Variants in KALRN observed in about 807,000 individuals in gnomAD.
The protein encoded by KALRN is kalirin.
A neutral mutation model predicts 353.7 loss-of-function variants in KALRN; 70 were observed. The observed-to-expected ratio is 0.20, with a 90% CI of 0.16 to 0.24. The LOEUF is 0.24. Among genes scored for constraint, KALRN ranks in the 10% least tolerant of loss-of-function variants. The pLI, the probability that KALRN is intolerant of heterozygous loss-of-function variation, is 1.00. For synonymous variants in KALRN, 1,391 were observed against 1,434.8 expected (o/e 0.97, Z 0.69); for missense variants, 2,791 against 3,756.7 (o/e 0.74, Z 6.72).
intron 13 of KALRN, among the ~76,000 whole-genome samples, chr3:124,399,413 C>T (rs2090581390): frequency 6.6e-6 from 1 of 152,216 alleles, no homozygotes; most frequent in Non-Finnish European, 1.5e-5. Flanking sequence ...GCTGGGATTA[C>T]AGGCATGAGC....
At chr3:124,471,662 G>A (rs900445896) in intron 25 of KALRN, among the ~76,000 whole-genome samples, 19 of 151,990 alleles carry the variant, frequency 1.3e-4, no homozygotes, top group African/African-American at 4.1e-4. Context: ...CAGACCTGGG[G>A]GTAGGCAGAT....
chr3:124,401,359 A>ACC, intron 13 of KALRN, among the ~76,000 whole-genome samples: 1 of 151,884 alleles, frequency 6.6e-6, no homozygotes, highest in Admixed American at 6.6e-5. Context: ...ATAAACAAAA[A>ACC]CCGAGTGTGG....
At chr3:124,391,268 G>A (rs1186245631) in intron 11 of KALRN, among the ~76,000 whole-genome samples, 1 of 151,958 alleles carries the variant, frequency 6.6e-6, no homozygotes, top group Middle Eastern at 3.2e-3. Context: ...CTGGGGAGGG[G>A]GTGGGTTGGT....
intron 1 of KALRN, among the ~76,000 whole-genome samples, chr3:124,167,771 C>T (rs1172567621): frequency 6.6e-6 from 1 of 152,184 alleles, no homozygotes; most frequent in Non-Finnish European, 1.5e-5. Flanking sequence ...TCACATGTAG[C>T]TGTTAACATT....
intron 1 of KALRN, among the ~76,000 whole-genome samples, chr3:124,078,111 T>G (rs1351725333): frequency 6.6e-6 from 1 of 152,234 alleles, no homozygotes; most frequent in Non-Finnish European, 1.5e-5. Context: ...TGACTTGAAC[T>G]ACTTGGTGAT....
chr3:124,589,848 T>C (rs2075594851), intron 34 of KALRN, among the ~76,000 whole-genome samples: 1 of 152,160 alleles, frequency 6.6e-6, no homozygotes, highest in Non-Finnish European at 1.5e-5. Context: ...AAGTCAGACC[T>C]CTGTGCCCAT....
chr3:124,109,211 T>G (rs1285775431), intron 1 of KALRN, among the ~76,000 whole-genome samples: 1 of 152,138 alleles, frequency 6.6e-6, no homozygotes. Flanking sequence ...TTTTTCTTCT[T>G]TCCATTTGAG....
At chr3:124,251,265 C>G (rs186784794) in intron 3 of KALRN, among the ~76,000 whole-genome samples, 7 of 152,306 alleles carry the variant, frequency 4.6e-5, no homozygotes, top group African/African-American at 1.7e-4. Context: ...CCTGCTGTCA[C>G]CCCCGCCATT....
chr3:124,108,815 C>G (rs2062566458), intron 1 of KALRN, among the ~76,000 whole-genome samples: 1 of 152,108 alleles, frequency 6.6e-6, no homozygotes, highest in Non-Finnish European at 1.5e-5. Context: ...CCTAGCCTGC[C>G]TTGGCTGATA....
intron 33 of KALRN, chr3:124,519,600 CT>C (rs1245833765): frequency 1.0e-6 from 1 of 985,222 alleles, no homozygotes; most frequent in Non-Finnish European, 1.2e-6. Context: ...GTTTACACTT[CT>C]ATGTATCTCA....
At chr3:124,224,801 A>G (rs2078297744) in intron 1 of KALRN, among the ~76,000 whole-genome samples, 1 of 152,222 alleles carries the variant, frequency 6.6e-6, no homozygotes, top group Non-Finnish European at 1.5e-5. Flanking sequence ...TGATAACCTG[A>G]GGATCTTAAA....
At chr3:124,693,180 C>T (rs2061902365) in intron 51 of KALRN, among the ~76,000 whole-genome samples, 1 of 152,162 alleles carries the variant, frequency 6.6e-6, no homozygotes, top group Non-Finnish European at 1.5e-5. Context: ...TTGCCCCATG[C>T]AGGCCTGGGC....
intron 1 of KALRN, among the ~76,000 whole-genome samples, chr3:124,142,277 C>G (rs2066724641): frequency 6.6e-6 from 1 of 152,206 alleles, no homozygotes; most frequent in African/African-American, 2.4e-5. Context: ...AGGTAAGTGG[C>G]TGAGCCAGGT....
At position 124,633,962 on chromosome 3, in the gene KALRN, T is replaced by G; in HGVS notation, c.5568+9T>G. ...CTACACAGGATGAAATGGTAGAACT[T>G]CTTTACTTGCTCACTTAAAAGAGCA... On this transcript the variant is annotated intron_variant, in intron 36 of 59. Coordinates refer to ENST00000682506, the MANE Select transcript of KALRN (RefSeq NM_001388419.1). 1 of 1,608,910 alleles carries G rather than the reference T, an allele frequency of 6.2e-7. No homozygotes were observed.
chr3:124,238,468 T>G (rs1053713553), intron 3 of KALRN, among the ~76,000 whole-genome samples: 1 of 152,192 alleles, frequency 6.6e-6, no homozygotes, highest in East Asian at 1.9e-4. Flanking sequence ...GTTCCTCTAC[T>G]GGGTTGAAGG....
intron 35 of KALRN, 45 bp from the exon 36 acceptor site, chr3:124,633,807 C>A: frequency 6.5e-7 from 1 of 1,534,926 alleles, no homozygotes; most frequent in African/African-American, 1.4e-5. Context: ...GAACCACTGG[C>A]ATGTTTGTGA....
At chr3:124,318,629 T>C (rs72976569) in intron 6 of KALRN, among the ~76,000 whole-genome samples, 4 of 152,324 alleles carry the variant, frequency 2.6e-5, no homozygotes, top group African/African-American at 9.6e-5. Context: ...TCCATTGCTT[T>C]GACACAATCT....
chr3:124,596,554 A>AT (rs1021816055), intron 34 of KALRN, among the ~76,000 whole-genome samples: 5 of 152,196 alleles, frequency 3.3e-5, no homozygotes, highest in African/African-American at 9.7e-5. Context: ...GCTTTACATT[A>AT]TTTTTTTGTA....
intron 51 of KALRN, among the ~76,000 whole-genome samples, chr3:124,681,489 C>T (rs1200094119): frequency 6.6e-6 from 1 of 152,120 alleles, no homozygotes; most frequent in African/African-American, 2.4e-5. Flanking sequence ...GTAGTTGAGA[C>T]ACAAAGTTTC....
Sources: allele counts gnomAD v4.1 joint callset (sites outside exome capture counted in the v4.1 genomes callset), GRCh38; gene constraint gnomAD v4.1.1; transcripts MANE v1.5; gene names NCBI Gene and HGNC (gene_info 2026-07-23, HGNC 2026-07-21).